ARHGAP10: variants seen among roughly 807,000 people sequenced by gnomAD.
The protein encoded by ARHGAP10 is rho GTPase-activating protein 10.
In ARHGAP10, 87 loss-of-function variants were observed where a neutral mutation model predicts 108.6. The ratio of observed to expected loss-of-function variants is 0.80; its 90% CI spans 0.67 to 0.96. The LOEUF (loss-of-function observed/expected upper bound fraction) is 0.96. Ranked by LOEUF, ARHGAP10 falls within the 40% of genes least tolerant of loss-of-function variation. ARHGAP10 has a pLI of 0.00. For synonymous variants in ARHGAP10, 347 were observed against 341.1 expected, an observed-to-expected ratio of 1.02 and a Z score of -0.19; for missense variants, 939 against 954.5, an observed-to-expected ratio of 0.98 and a Z score of 0.21.
intron 13 of ARHGAP10, among the ~76,000 whole-genome samples, chr4:147,929,615 A>G (rs1737591885): frequency 6.6e-6 from 1 of 152,168 alleles, no homozygotes; most frequent in Non-Finnish European, 1.5e-5. Context: ...TAATCCACCT[A>G]TGATCTGAAA....
chr4:147,844,036 C>T (rs983784186), intron 3 of ARHGAP10, among the ~76,000 whole-genome samples: 2 of 152,130 alleles, frequency 1.3e-5, no homozygotes, highest in African/African-American at 2.4e-5. Flanking sequence ...GGCTGTGGAC[C>T]TGTGTCTCTG....
chr4:148,003,672 T>G (rs912332360), intron 18 of ARHGAP10, among the ~76,000 whole-genome samples: 1 of 152,236 alleles, frequency 6.6e-6, no homozygotes, highest in Admixed American at 6.5e-5. Flanking sequence ...TGTAATGGCC[T>G]TCTTTGTCTC....
intron 18 of ARHGAP10, among the ~76,000 whole-genome samples, chr4:148,010,206 A>G (rs1741117890): frequency 6.6e-6 from 1 of 152,152 alleles, no homozygotes; most frequent in African/African-American, 2.4e-5. Flanking sequence ...TGTTAATAAC[A>G]TGATGTTGGA....
intron 13 of ARHGAP10, among the ~76,000 whole-genome samples, chr4:147,914,100 C>T (rs992763695): frequency 1.3e-5 from 2 of 152,004 alleles, no homozygotes; most frequent in East Asian, 3.9e-4. Flanking sequence ...TGCAGTGAGC[C>T]GAGATCGTGT....
At chr4:148,059,379 G>A (rs1217945758) in intron 20 of ARHGAP10, among the ~76,000 whole-genome samples, 1 of 151,986 alleles carries the variant, frequency 6.6e-6, no homozygotes, top group Non-Finnish European at 1.5e-5. Flanking sequence ...CAGTAGCTTG[G>A]CATTAAACAG....
chr4:147,839,118 A>ATCTGTCTG (rs1415889321), intron 3 of ARHGAP10, among the ~76,000 whole-genome samples: 62 of 147,008 alleles, frequency 4.2e-4, no homozygotes, highest in African/African-American at 1.5e-3. Flanking sequence ...CTATCTATCT[A>ATCTGTCTG]TCTATCTATC....
At chr4:147,855,548 G>C (rs1191389081) in intron 4 of ARHGAP10, among the ~76,000 whole-genome samples, 2 of 152,104 alleles carry the variant, frequency 1.3e-5, no homozygotes, top group African/African-American at 4.8e-5. Flanking sequence ...TACAACTTCT[G>C]CTTTTTTTTG....
chr4:147,740,820 A>G (rs1476697655), intron 1 of ARHGAP10, among the ~76,000 whole-genome samples: 3 of 152,234 alleles, frequency 2.0e-5, no homozygotes, highest in Non-Finnish European at 2.9e-5. Flanking sequence ...TAGTCTCACA[A>G]TAAACATTCA....
At chr4:147,942,137 T>C (rs1453236948) in intron 14 of ARHGAP10, among the ~76,000 whole-genome samples, 1 of 152,254 alleles carries the variant, frequency 6.6e-6, no homozygotes, top group African/African-American at 2.4e-5. Flanking sequence ...ACTTTGCTTT[T>C]TTAAAGCAAT....
chr4:148,051,750 C>T (rs1446783946), intron 20 of ARHGAP10, among the ~76,000 whole-genome samples: 3 of 152,238 alleles, frequency 2.0e-5, no homozygotes, highest in African/African-American at 7.2e-5. Context: ...CGTTGTGCCA[C>T]TGAGATTTGT....
intron 1 of ARHGAP10, among the ~76,000 whole-genome samples, chr4:147,775,193 G>A (rs1458172252): frequency 2.0e-5 from 3 of 152,262 alleles, no homozygotes; most frequent in East Asian, 1.9e-4. Flanking sequence ...GATTACAGGC[G>A]TGAGCCACCG....
chr4:147,814,406 T>C (rs1206304980), intron 1 of ARHGAP10, among the ~76,000 whole-genome samples: 1 of 152,160 alleles, frequency 6.6e-6, no homozygotes, highest in Non-Finnish European at 1.5e-5. Flanking sequence ...ACTAAGTTTC[T>C]CATTTGTGCC....
chr4:148,069,911 G>T (rs1235174110), intron 22 of ARHGAP10, among the ~76,000 whole-genome samples: 1 of 152,166 alleles, frequency 6.6e-6, no homozygotes, highest in East Asian at 1.9e-4. Context: ...CTGCCAGCTG[G>T]GGTGTTTGGA....
At chr4:147,850,843 G>T (rs1290876800) in intron 4 of ARHGAP10, among the ~76,000 whole-genome samples, 1 of 152,132 alleles carries the variant, frequency 6.6e-6, no homozygotes, top group Non-Finnish European at 1.5e-5. Flanking sequence ...CCCTTTTTGA[G>T]CTTGGCACTT....
chr4:148,067,993 AC>A (rs1729973598), intron 22 of ARHGAP10, among the ~76,000 whole-genome samples: 2 of 140,284 alleles, frequency 1.4e-5, no homozygotes, highest in East Asian at 4.6e-4. Flanking sequence ...CCCGCCCCCC[AC>A]CCTCGGGAGA....
intron 4 of ARHGAP10, 127 bp downstream of exon 4, chr4:147,847,349 G>A: frequency 1.1e-6 from 1 of 884,292 alleles, no homozygotes; most frequent in South Asian, 1.7e-5. Context: ...TGTTTGAAAT[G>A]TGCTTTTCCC....
intron 1 of ARHGAP10, among the ~76,000 whole-genome samples, chr4:147,783,248 A>C (rs1423084568): frequency 6.9e-6 from 1 of 144,894 alleles, no homozygotes; most frequent in Admixed American, 7.1e-5. Flanking sequence ...AACACACATT[A>C]AATTATGTAT....
At chr4:147,994,369 G>A (rs1057023858) in intron 18 of ARHGAP10, among the ~76,000 whole-genome samples, 1 of 152,098 alleles carries the variant, frequency 6.6e-6, no homozygotes, top group Non-Finnish European at 1.5e-5. Context: ...GCACAAGAAA[G>A]TTCTTGTTAA....
chr4:147,822,165 C>G (rs1386525260), intron 1 of ARHGAP10, among the ~76,000 whole-genome samples: 2 of 152,172 alleles, frequency 1.3e-5, no homozygotes, highest in African/African-American at 4.8e-5. Context: ...TTCTTCCTAC[C>G]ATTTCTTCTT....
Sources: allele counts gnomAD v4.1 joint callset (sites outside exome capture counted in the v4.1 genomes callset), GRCh38; gene constraint gnomAD v4.1.1; transcripts MANE v1.5; gene names NCBI Gene and HGNC (gene_info 2026-07-23, HGNC 2026-07-21).